NPAS3: variants seen among roughly 807,000 people sequenced by gnomAD.
The protein encoded by NPAS3 is neuronal PAS domain protein 3.
In NPAS3, 14 loss-of-function variants were observed where a neutral mutation model predicts 73.1. That is an observed-to-expected ratio of 0.19 (90% CI 0.13 to 0.30). The LOEUF (loss-of-function observed/expected upper bound fraction) is 0.30. Among genes scored for constraint, NPAS3 ranks in the 10% least tolerant of loss-of-function variants. NPAS3 has a pLI of 1.00. For synonymous variants in NPAS3, 620 were observed against 541.5 expected, an observed-to-expected ratio of 1.14 and a Z score of -2.01; for missense variants, 1,096 against 1,250.0, an observed-to-expected ratio of 0.88 and a Z score of 1.86.
intron 2 of NPAS3, among the ~76,000 whole-genome samples, chr14:33,089,985 G>T (rs974374202): frequency 2.0e-5 from 3 of 152,140 alleles, no homozygotes; most frequent in African/African-American, 7.2e-5. Context: ...CCCTACAAGA[G>T]CTCCTAAAGG....
intron 5 of NPAS3, among the ~76,000 whole-genome samples, chr14:33,614,520 C>G (rs899210400): frequency 6.6e-5 from 10 of 152,140 alleles, no homozygotes; most frequent in Non-Finnish European, 8.8e-5. Flanking sequence ...GGGGTCCAGT[C>G]CCTGTGGGCC....
At chr14:33,441,822 G>C (rs902752842) in intron 4 of NPAS3, among the ~76,000 whole-genome samples, 2 of 152,170 alleles carry the variant, frequency 1.3e-5, no homozygotes, top group Non-Finnish European at 2.9e-5. Context: ...TGGCAGGTAA[G>C]AGCACCAGTG....
intron 2 of NPAS3, among the ~76,000 whole-genome samples, chr14:33,199,132 TC>T (rs1478223660): frequency 6.6e-6 from 1 of 151,874 alleles, no homozygotes; most frequent in African/African-American, 2.4e-5. Flanking sequence ...CCTCCACACC[TC>T]CCCGCAAGCA....
Position 33,800,589 on chromosome 14 carries a change from G to A in NPAS3, c.2282G>A (p.Gly761Glu). Reference sequence around the variant, plus strand: ...GCGTCCCCGCGGGACAAGCACCCCGGGAACGGCGGCGGGGGCGGGGGCGGG... The same window carrying A: ...GCGTCCCCGCGGGACAAGCACCCCGAGAACGGCGGCGGGGGCGGGGGCGGG... Residue 761 changes from glycine to glutamate, a missense_variant, in exon 12 of 12, where the codon GGG (glycine) becomes GAG (glutamate). By Grantham distance (98) the Gly-to-Glu change is moderately conservative. This residue lies in a region of NPAS3 where 698 missense variants were observed against 676.7 expected (regional missense o/e 1.03). Transcript: ENST00000356141. This position sits in a 1 kb window ranked among gnomAD's most constrained non-coding sequence, Gnocchi z 6.5. The A allele has an allele frequency of 7.7e-7, 1 of 1,302,566 alleles. No individual in the cohort carries two copies. The highest frequency in any genetic ancestry group is 9.7e-7 in the Non-Finnish European group (1 of 1,034,160). 80.7% of individuals were successfully genotyped at this position (1,302,566 alleles called of 1,614,324 possible). A position where few individuals can be genotyped will look rare whatever the true frequency, so the allele number is the denominator to read the frequency against.
At chr14:33,542,758 G>A (rs1395062566) in intron 4 of NPAS3, among the ~76,000 whole-genome samples, 1 of 152,190 alleles carries the variant, frequency 6.6e-6, no homozygotes, top group Non-Finnish European at 1.5e-5. Flanking sequence ...GATGGTACAC[G>A]TTTGCCTGAG....
intron 7 of NPAS3, among the ~76,000 whole-genome samples, chr14:33,741,108 C>T (rs1488762455): frequency 6.6e-6 from 1 of 152,164 alleles, no homozygotes; most frequent in Non-Finnish European, 1.5e-5. Flanking sequence ...AGCTAGGAGT[C>T]TCCTCCTGCT....
At chr14:33,452,537 C>T (rs1355591691) in intron 4 of NPAS3, among the ~76,000 whole-genome samples, 1 of 151,992 alleles carries the variant, frequency 6.6e-6, no homozygotes, top group African/African-American at 2.4e-5. Flanking sequence ...CTTTGTGAGG[C>T]TGAGGCAGGC....
At chr14:32,937,315 T>G (rs1372944197), upstream of NPAS3, among the ~76,000 whole-genome samples, 1 of 152,164 alleles carries the variant, frequency 6.6e-6, no homozygotes, top group Non-Finnish European at 1.5e-5. Context: ...AAATTATTTT[T>G]AAGTACTTTT....
At chr14:33,796,223 C>G (rs1328831832) in intron 10 of NPAS3, among the ~76,000 whole-genome samples, 1 of 152,228 alleles carries the variant, frequency 6.6e-6, no homozygotes, top group Non-Finnish European at 1.5e-5. Flanking sequence ...CCCTTGCACC[C>G]AGGCCCCAAT....
At chr14:32,935,231 C>A (rs1184556699), upstream of NPAS3, among the ~76,000 whole-genome samples, 2 of 152,162 alleles carry the variant, frequency 1.3e-5, no homozygotes, top group Non-Finnish European at 2.9e-5. Context: ...TTTGCCTGGC[C>A]CCAAATCCAG....
chr14:33,776,791 G>C lies in NPAS3; in HGVS notation c.1047-1675G>C, dbSNP rs180678098. On this transcript the variant is annotated intron_variant, in intron 8 of 11. Transcript: ENST00000356141. ...AAGAAACTGAGTCTCAGAGTAAAAG[G>C]TGCCATCAGGATTCTGATCCTGGTG... 5.8e-4 allele frequency among the ~76,000 whole-genome samples: 89 copies of C among 152,196 alleles called. No homozygotes were observed. In the Middle Eastern group the frequency reaches 0.02, roughly 35 times the overall value.
intron 7 of NPAS3, among the ~76,000 whole-genome samples, chr14:33,746,535 A>C (rs1188588245): frequency 6.6e-6 from 1 of 151,258 alleles, no homozygotes. Context: ...TTATTAATAA[A>C]CTTATAGTTA....
Position 33,400,754 on chromosome 14 carries a change from G to A in NPAS3, c.468+33486G>A, listed in dbSNP as rs558967882. ...TTTAAACTAAATAAGATGAGTGGTA[G>A]TGGGAGTAGTAGGGGGGCGTGGTGG... On this transcript the variant is annotated intron_variant, in intron 4 of 11. Transcript: ENST00000356141. 1.1e-3 allele frequency among the ~76,000 whole-genome samples: 165 copies of A among 152,156 alleles called. No individual in the cohort carries two copies. In the Middle Eastern group the frequency reaches 0.017, roughly 16 times the overall value.
In NPAS3 at chr14:33,765,419, C is replaced by T. The variant is rs192859781; in HGVS notation, c.853-8918C>T. 7.8e-4 allele frequency among the ~76,000 whole-genome samples: 118 copies of T among 152,150 alleles called. No homozygotes were observed. In the East Asian group the frequency reaches 0.018, roughly 23 times the overall value. On this transcript the variant is annotated intron_variant, in intron 7 of 11. Transcript: ENST00000356141. Reference sequence around the variant, plus strand: ...ATTAATCAGGAGCTCAGCCAGGGGCCGGCTGGGCTAGGGGGAGGGGATTGG... The same window carrying T: ...ATTAATCAGGAGCTCAGCCAGGGGCTGGCTGGGCTAGGGGGAGGGGATTGG...
chr14:33,164,606 G>T (rs1308280201), intron 2 of NPAS3, among the ~76,000 whole-genome samples: 1 of 152,030 alleles, frequency 6.6e-6, no homozygotes, highest in Non-Finnish European at 1.5e-5. Flanking sequence ...GGCAACTAGT[G>T]TTTATTGAAT....
rs147567917 is a variant in NPAS3 at position 33,049,435 on chromosome 14, T to C, written c.51-6470T>C. 3.5e-4 allele frequency among the ~76,000 whole-genome samples: 54 copies of C among 152,322 alleles called. No homozygotes were observed. The East Asian group carries it at 0.01, about 29-fold the overall frequency. ...TGGAGAACTCACAGTTCCACATGGC[T>C]GGGGAAGCCTCACAATCATGGGGGA... is the stretch of plus-strand genomic sequence containing the variant. On this transcript the variant is annotated intron_variant, in intron 1 of 11. Transcript: ENST00000356141.
chr14:33,123,102 TAAA>T lies in NPAS3; in HGVS notation c.140+67109_140+67111del, dbSNP rs201308973. Among the ~76,000 whole-genome samples the T allele has an allele frequency of 7.3e-3, 1,008 of 138,734 alleles. 14 individuals carry two copies. The highest frequency in any genetic ancestry group is 0.023 in the African/African-American group (946 of 40,282). The allele number at this position is 138,734 out of a possible 152,430, so 91.0% of individuals were successfully genotyped here. ...TAAACAACATTTTATTTTATTTAGA[TAAA>T]TTAAATAAATTTAGATAATTAAATA... On this transcript the variant is annotated intron_variant, in intron 2 of 11. Transcript: ENST00000356141.
chr14:33,544,224 C>G (rs1029670151), intron 4 of NPAS3, among the ~76,000 whole-genome samples: 5 of 151,884 alleles, frequency 3.3e-5, no homozygotes, highest in Non-Finnish European at 5.9e-5. Flanking sequence ...CTTGCTGCAG[C>G]CTTGAACTCC....
At chr14:33,486,688 C>T (rs1309423452) in intron 4 of NPAS3, among the ~76,000 whole-genome samples, 1 of 152,182 alleles carries the variant, frequency 6.6e-6, no homozygotes, top group South Asian at 2.1e-4. Context: ...CAACCCAACA[C>T]CTGTGACCCA....
Sources: allele counts gnomAD v4.1 joint callset (sites outside exome capture counted in the v4.1 genomes callset), GRCh38; gene constraint gnomAD v4.1.1; regional missense constraint gnomAD v4.1.1; non-coding constraint Gnocchi (gnomAD v3.1); transcripts MANE v1.5; gene names NCBI Gene and HGNC (gene_info 2026-07-23, HGNC 2026-07-21).